Variants in EPHA4 observed in about 807,000 individuals in gnomAD.
The protein encoded by EPHA4 is ephrin type-A receptor 4.
A neutral mutation model predicts 108.3 loss-of-function variants in EPHA4; 19 were observed. That is an observed-to-expected ratio of 0.18 (90% CI 0.12 to 0.26). EPHA4 has a LOEUF of 0.26. Ranked by LOEUF, EPHA4 falls within the 10% of genes least tolerant of loss-of-function variation. EPHA4 has a pLI of 1.00. For synonymous variants in EPHA4, 449 were observed against 455.5 expected (o/e 0.99, Z 0.18); for missense variants, 917 against 1,254.0 (o/e 0.73, Z 4.06).
rs1053465032 is a variant in EPHA4, at chr2:221,564,945, T to G, written c.160-551A>C. Reference sequence around the variant, plus strand: ...ATTTTTTTGGCACCCTCACTACTCTTTAAAGGTGAAAAGAAAATCCCACCA... The same window carrying G: ...ATTTTTTTGGCACCCTCACTACTCTGTAAAGGTGAAAAGAAAATCCCACCA... On this transcript the variant is annotated intron_variant, in intron 2 of 17. Transcript: ENST00000281821. 1.5e-4 allele frequency among the ~76,000 whole-genome samples: 23 copies of G among 151,256 alleles called. 1 individual carries two copies. Among genetic ancestry groups the G allele is most frequent in the Non-Finnish European group, 7.4e-5 (5 of 67,880 alleles).
chr2:221,499,699 A>C (rs2106155958), intron 4 of EPHA4, among the ~76,000 whole-genome samples: 1 of 137,848 alleles, frequency 7.3e-6, no homozygotes, highest in East Asian at 2.1e-4. Context: ...TAATAGTCAT[A>C]ATGATAACTA....
At chr2:221,560,711 G>A (rs958425754) in intron 3 of EPHA4, among the ~76,000 whole-genome samples, 4 of 152,290 alleles carry the variant, frequency 2.6e-5, no homozygotes, top group African/African-American at 9.6e-5. Context: ...TTGCAAGTCT[G>A]TAAACTAAAT....
chr2:221,500,616 C>T (rs937121760), intron 4 of EPHA4, among the ~76,000 whole-genome samples: 2 of 152,172 alleles, frequency 1.3e-5, no homozygotes, highest in Non-Finnish European at 2.9e-5. Context: ...TCTCAGTGCA[C>T]ACTGAGCTGT....
chr2:221,486,267 T>A lies in EPHA4; in HGVS notation c.980-3577A>T, dbSNP rs115894656. Among the ~76,000 whole-genome samples the A allele has an allele frequency of 1.9e-3, 284 of 152,320 alleles. 1 individual carries two copies. Among genetic ancestry groups the A allele is most frequent in the African/African-American group, 6.5e-3 (269 of 41,582 alleles). On this transcript the variant is annotated intron_variant, in intron 4 of 17. Transcript: ENST00000281821. ...AGATTTTGTTTTCAAAACTACCCACTACTAGCCTCAATACAGGACTGGCAT... is the reference window on the plus strand; with the variant it reads ...AGATTTTGTTTTCAAAACTACCCACAACTAGCCTCAATACAGGACTGGCAT...
In EPHA4 at chr2:221,564,285, G is replaced by A; in HGVS notation, c.269C>T (p.Thr90Ile). Residue 90 changes from threonine (T) to isoleucine (I), a missense_variant, in exon 3 of 18, where the codon ACC becomes ATC. This residue lies in a region of EPHA4 where 758 missense variants were observed against 1,076.7 expected (regional missense o/e 0.70). Coordinates refer to ENST00000281821, the MANE Select transcript of EPHA4 (RefSeq NM_004438.5). ...ATACACCCTCTGAGCCCCTTCTCGG[G>A]TGATCCAATCAGTTCGTAGCCAGTT... ...QNNWLRTDWI[T>I]REGAQRVYIE... 2 of 1,614,088 alleles carry A rather than the reference G, an allele frequency of 1.2e-6. No individual in the cohort carries two copies. The highest frequency in any genetic ancestry group is 1.7e-6 in the Non-Finnish European group (2 of 1,180,020).
At chr2:221,458,163 A>T (rs527740014) in intron 5 of EPHA4, among the ~76,000 whole-genome samples, 173 bp from the exon 6 acceptor site, 1 of 152,282 alleles carries the variant, frequency 6.6e-6, no homozygotes, top group East Asian at 1.9e-4. Flanking sequence ...CCTTCTCTCC[A>T]GTATATTTTT....
At chr2:221,511,505 C>CCTCACTTCCGATTTCTGTAT (rs1692828357) in intron 3 of EPHA4, among the ~76,000 whole-genome samples, 1 of 151,100 alleles carries the variant, frequency 6.6e-6, no homozygotes, top group East Asian at 1.9e-4. Context: ...GATTTCTGTA[C>CCTCACTTCCGATTTCTGTAT]CTCACTTCCG....
intron 8 of EPHA4, among the ~76,000 whole-genome samples, chr2:221,450,712 C>A (rs1457715251): frequency 6.6e-6 from 1 of 151,946 alleles, no homozygotes; most frequent in Non-Finnish European, 1.5e-5. Context: ...ACTTCTTTTT[C>A]CTTATCCAGG....
intron 11 of EPHA4, among the ~76,000 whole-genome samples, chr2:221,437,805 C>T (rs1017490465): frequency 6.6e-6 from 1 of 151,644 alleles, no homozygotes; most frequent in Non-Finnish European, 1.5e-5. Flanking sequence ...CGCCTGTAAT[C>T]CCAGCTACTC....
At chr2:221,549,535 G>T (rs984447259) in intron 3 of EPHA4, among the ~76,000 whole-genome samples, 2 of 152,234 alleles carry the variant, frequency 1.3e-5, no homozygotes, top group African/African-American at 4.8e-5. Context: ...GCAGTGAAAA[G>T]TAGCTTCCCC....
At chr2:221,502,992 C>G (rs1052595495) in intron 3 of EPHA4, among the ~76,000 whole-genome samples, 2 of 152,080 alleles carry the variant, frequency 1.3e-5, no homozygotes, top group Non-Finnish European at 2.9e-5. Flanking sequence ...TTTGGTCATG[C>G]TTAAGATGGC....
At position 221,571,537 on chromosome 2, in the gene EPHA4, C is replaced by T. The variant is rs1481230431; in HGVS notation, c.91+621G>A. On this transcript the variant is annotated intron_variant, in intron 1 of 17. Coordinates refer to ENST00000281821, the MANE Select transcript of EPHA4 (RefSeq NM_004438.5). The surrounding 1 kb of genome is among the most constrained non-coding windows in gnomAD (Gnocchi z 6.3). ...GTCTGCGGGGCGAAGAGCTCGGGCC[C>T]CTCAGGCCCGCAATCGCACCCTCGG... 1.3e-5 allele frequency among the ~76,000 whole-genome samples: 2 copies of T among 152,232 alleles called. No individual in the cohort carries two copies. Among genetic ancestry groups the T allele is most frequent in the African/African-American group, 4.8e-5 (2 of 41,466 alleles).
At chr2:221,437,014 T>G (rs1226165109) in intron 12 of EPHA4, 47 bp downstream of exon 12, 5 of 1,437,490 alleles carry the variant, frequency 3.5e-6, no homozygotes, top group Non-Finnish European at 4.9e-6. Context: ...TGTTAGGAGT[T>G]TTCTAAATAC....
intron 4 of EPHA4, among the ~76,000 whole-genome samples, chr2:221,498,794 T>C (rs1177485680): frequency 2.3e-5 from 2 of 87,362 alleles, no homozygotes; most frequent in Non-Finnish European, 6.0e-5. Context: ...TTTTTTCTTT[T>C]TTTTTTTTTT....
chr2:221,456,854 A>G (rs1690973001), intron 6 of EPHA4, 82 bp from the exon 7 acceptor site: 10 of 1,491,930 alleles, frequency 6.7e-6, no homozygotes, highest in Non-Finnish European at 9.2e-6. Context: ...TAAAGGAGTC[A>G]AGCCAGTCAA....
intron 17 of EPHA4, among the ~76,000 whole-genome samples, chr2:221,421,033 T>C (rs941108335): frequency 6.6e-6 from 1 of 152,162 alleles, no homozygotes; most frequent in African/African-American, 2.4e-5. Flanking sequence ...GCGCGGTGGC[T>C]CACGCCTGTA....
chr2:221,444,035 T>G (rs1690513168), intron 9 of EPHA4, among the ~76,000 whole-genome samples: 1 of 152,192 alleles, frequency 6.6e-6, no homozygotes. Flanking sequence ...GGTGTCACAT[T>G]TTGCCCAATA....
chr2:221,448,325 C>T (rs894327074), intron 8 of EPHA4, among the ~76,000 whole-genome samples: 1 of 152,086 alleles, frequency 6.6e-6, no homozygotes, highest in Non-Finnish European at 1.5e-5. Flanking sequence ...ATCCAGCCCA[C>T]GACTTCATAG....
intron 3 of EPHA4, among the ~76,000 whole-genome samples, chr2:221,516,777 GA>G (rs1204627554): frequency 6.6e-6 from 1 of 152,100 alleles, no homozygotes; most frequent in Non-Finnish European, 1.5e-5. Context: ...GACTGGTGCA[GA>G]CTCATTTATG....
Sources: allele counts gnomAD v4.1 joint callset (sites outside exome capture counted in the v4.1 genomes callset), GRCh38; gene constraint gnomAD v4.1.1; regional missense constraint gnomAD v4.1.1; non-coding constraint Gnocchi (gnomAD v3.1); transcripts MANE v1.5; gene names NCBI Gene and HGNC (gene_info 2026-07-23, HGNC 2026-07-21).